The following FAM78B variants were observed in gnomAD, a reference collection of about 807,000 sequenced individuals.
FAM78B encodes family with sequence similarity 78 member B.
In FAM78B, 10 loss-of-function variants were observed where a neutral mutation model predicts 20.0. That is an observed-to-expected ratio of 0.50 (90% CI 0.31 to 0.85). FAM78B has a LOEUF of 0.85. Among genes scored for constraint, FAM78B ranks in the 40% least tolerant of loss-of-function variants. FAM78B has a pLI of 0.05. For synonymous variants in FAM78B, 135 were observed against 132.8 expected, an observed-to-expected ratio of 1.02 and a Z score of -0.12; for missense variants, 283 against 345.0, an observed-to-expected ratio of 0.82 and a Z score of 1.42.
intron 1 of FAM78B, among the ~76,000 whole-genome samples, chr1:166,114,784 T>C (rs1654195541): frequency 6.6e-6 from 1 of 152,122 alleles, no homozygotes; most frequent in African/African-American, 2.4e-5. Flanking sequence ...GAGACAACAA[T>C]ATAGCATATT....
intron 1 of FAM78B, among the ~76,000 whole-genome samples, chr1:166,075,894 C>T (rs1652250717): frequency 6.6e-6 from 1 of 152,192 alleles, no homozygotes; most frequent in African/African-American, 2.4e-5. Context: ...TTCACCTGCC[C>T]ACTTGCCAAA....
At chr1:166,156,009 T>A (rs992881805) in intron 1 of FAM78B, among the ~76,000 whole-genome samples, 6 of 152,202 alleles carry the variant, frequency 3.9e-5, no homozygotes, top group African/African-American at 1.4e-4. Context: ...TTCGGGATGC[T>A]GCAGAAAGTG....
chr1:166,115,976 C>G (rs1654238186), intron 1 of FAM78B, among the ~76,000 whole-genome samples: 1 of 152,244 alleles, frequency 6.6e-6, no homozygotes, highest in South Asian at 2.1e-4. Context: ...AATACTCCTA[C>G]TATCTCACCA....
chr1:166,101,788 G>A (rs1209740475), intron 1 of FAM78B, among the ~76,000 whole-genome samples: 1 of 152,048 alleles, frequency 6.6e-6, no homozygotes, highest in Non-Finnish European at 1.5e-5. Context: ...ACACTCTGCA[G>A]GATATTATCC....
intron 1 of FAM78B, among the ~76,000 whole-genome samples, chr1:166,094,513 T>TGTGTGGTGATGA (rs2101740855): frequency 6.6e-6 from 1 of 152,304 alleles, no homozygotes; most frequent in South Asian, 2.1e-4. Context: ...CAGGCTGCAC[T>TGTGTGGTGATGA]GTGTGGTGAT....
At chr1:166,151,294 C>G (rs764117426) in intron 1 of FAM78B, among the ~76,000 whole-genome samples, 2 of 152,200 alleles carry the variant, frequency 1.3e-5, no homozygotes, top group Non-Finnish European at 2.9e-5. Context: ...TAGAACATTT[C>G]TTCAATGTTT....
At chr1:166,151,346 T>G (rs986669240) in intron 1 of FAM78B, among the ~76,000 whole-genome samples, 1 of 152,232 alleles carries the variant, frequency 6.6e-6, no homozygotes, top group Non-Finnish European at 1.5e-5. Flanking sequence ...AAGATTTTCC[T>G]TTTAGTGGAA....
At chr1:166,094,861 A>G (rs1455595939) in intron 1 of FAM78B, among the ~76,000 whole-genome samples, 1 of 152,220 alleles carries the variant, frequency 6.6e-6, no homozygotes, top group Non-Finnish European at 1.5e-5. Context: ...CACCTATTGA[A>G]TGCTGGAGGG....
intron 1 of FAM78B, among the ~76,000 whole-genome samples, chr1:166,099,039 G>C (rs1452718341): frequency 1.3e-5 from 2 of 152,180 alleles, no homozygotes; most frequent in Non-Finnish European, 2.9e-5. Context: ...TAGATTAACA[G>C]CAGATTTCTC....
At chr1:166,134,422 C>G (rs560893427) in intron 1 of FAM78B, among the ~76,000 whole-genome samples, 19 of 152,166 alleles carry the variant, frequency 1.2e-4, no homozygotes, top group Admixed American at 2.6e-4. Flanking sequence ...GGTTTCCCAT[C>G]TTATGGTTGG....
At chr1:166,143,601 C>T (rs970506859) in intron 1 of FAM78B, among the ~76,000 whole-genome samples, 2 of 151,986 alleles carry the variant, frequency 1.3e-5, no homozygotes, top group Admixed American at 6.6e-5. Flanking sequence ...GTTGCCTACT[C>T]GGGCTGTGGT....
At chr1:166,133,370 A>G (rs1654946911) in intron 1 of FAM78B, among the ~76,000 whole-genome samples, 1 of 152,172 alleles carries the variant, frequency 6.6e-6, no homozygotes, top group Admixed American at 6.5e-5. Context: ...TTAGAGTTAC[A>G]TTTTCCTAAA....
chr1:166,150,835 G>A (rs1655644919), intron 1 of FAM78B, among the ~76,000 whole-genome samples: 2 of 152,226 alleles, frequency 1.3e-5, no homozygotes, highest in African/African-American at 2.4e-5. Context: ...TGCCTGTAAT[G>A]CCAGCACTTT....
intron 1 of FAM78B, among the ~76,000 whole-genome samples, chr1:166,163,626 A>G (rs1328295140): frequency 6.6e-6 from 1 of 152,274 alleles, no homozygotes; most frequent in African/African-American, 2.4e-5. Context: ...TAAAGTAGAC[A>G]TAATAACTAA....
At chr1:166,142,332 A>C (rs1655309388) in intron 1 of FAM78B, among the ~76,000 whole-genome samples, 1 of 152,170 alleles carries the variant, frequency 6.6e-6, no homozygotes, top group Non-Finnish European at 1.5e-5. Context: ...CTGTGCCCTA[A>C]GTCTTCTGGG....
chr1:166,127,558 T>C (rs973546976), intron 1 of FAM78B, among the ~76,000 whole-genome samples: 5 of 152,186 alleles, frequency 3.3e-5, no homozygotes, highest in Non-Finnish European at 7.3e-5. Flanking sequence ...CACAGCTCTG[T>C]TTAAAGTGTT....
intron 1 of FAM78B, among the ~76,000 whole-genome samples, chr1:166,076,795 G>A (rs1326521404): frequency 6.6e-6 from 1 of 152,210 alleles, no homozygotes; most frequent in African/African-American, 2.4e-5. Flanking sequence ...AGACACTGCT[G>A]CATTTGCGGA....
At chr1:166,106,811 G>A (rs768733774) in intron 1 of FAM78B, among the ~76,000 whole-genome samples, 2 of 151,898 alleles carry the variant, frequency 1.3e-5, no homozygotes, top group East Asian at 1.9e-4. Context: ...ACTTATACCC[G>A]AAACCTCAGC....
At chr1:166,073,091 T>C (rs1468892220) in intron 1 of FAM78B, among the ~76,000 whole-genome samples, 1 of 152,124 alleles carries the variant, frequency 6.6e-6, no homozygotes, top group Non-Finnish European at 1.5e-5. Flanking sequence ...AAAGACACAC[T>C]CTTGTGGCTA....
Sources: gnomAD v4.1 joint callset for allele counts (sites outside exome capture counted in the v4.1 genomes callset) on GRCh38, gnomAD v4.1.1 for gene constraint, MANE v1.5 for transcripts, NCBI Gene and HGNC (gene_info 2026-07-23, HGNC 2026-07-21) for gene names.